CELF2: variants seen among roughly 807,000 people sequenced by gnomAD.
The protein encoded by CELF2 is CUGBP Elav-like family member 2, also known as CUG triplet repeat RNA-binding protein 2.
Under a neutral mutation model 62.6 loss-of-function variants are expected in CELF2, and 8 were observed. The ratio of observed to expected loss-of-function variants is 0.13; its 90% CI spans 0.07 to 0.23. The LOEUF is 0.23. CELF2 is among the 10% of genes least tolerant of loss of function. The pLI, the probability that CELF2 is intolerant of heterozygous loss-of-function variation, is 1.00. For missense variants in CELF2, 333 were observed against 671.0 expected (o/e 0.50, Z 5.56); for synonymous variants, 258 against 250.0 (o/e 1.03, Z -0.30).
chr10:11,035,791 G>T (rs1181262980), intron 1 of CELF2, among the ~76,000 whole-genome samples: 1 of 152,190 alleles, frequency 6.6e-6, no homozygotes, highest in Non-Finnish European at 1.5e-5. Context: ...ACCATGTAAT[G>T]TGCAGCTGTA....
intron 3 of CELF2, among the ~76,000 whole-genome samples, chr10:11,218,799 TA>T (rs1022645705): frequency 6.6e-6 from 1 of 152,044 alleles, no homozygotes; most frequent in Non-Finnish European, 1.5e-5. Context: ...TCAGTGACTT[TA>T]AAAAAATTGT....
intron 4 of CELF2, among the ~76,000 whole-genome samples, chr10:11,257,265 C>T (rs988031868): frequency 6.7e-6 from 1 of 150,040 alleles, no homozygotes; most frequent in Non-Finnish European, 1.5e-5. Flanking sequence ...CTGTTTCGCT[C>T]CATCTGCCCC....
At chr10:10,871,959 T>C (rs1229635568) in intron 1 of CELF2, among the ~76,000 whole-genome samples, 1 of 152,202 alleles carries the variant, frequency 6.6e-6, no homozygotes, top group Non-Finnish European at 1.5e-5. Context: ...TATCTTCCGT[T>C]GCCTATTTGA....
In CELF2 at chr10:10,995,970, G is replaced by A. The variant is rs1480484193; in HGVS notation, c.89+75971G>A. On this transcript the variant is annotated intron_variant, in intron 2 of 13. Coordinates refer to the CELF2 transcript ENST00000636488. This position sits in a 1 kb window ranked among gnomAD's most constrained non-coding sequence, Gnocchi z 4.7. ...GGTGCTGACTGCATGGGTATGTTCAGTCTGTGAATATTCCATGAGCTAAAC... is the reference window on the plus strand; with the variant it reads ...GGTGCTGACTGCATGGGTATGTTCAATCTGTGAATATTCCATGAGCTAAAC... Among the ~76,000 whole-genome samples the A allele has an allele frequency of 6.6e-6, 1 of 152,200 alleles. No homozygotes were observed. The highest frequency in any genetic ancestry group is 1.5e-5 in the Non-Finnish European group (1 of 68,028).
chr10:11,321,499 G>A lies in CELF2; in HGVS notation c.1294+113G>A. 1.2e-6 allele frequency: 1 copy of A among 805,686 alleles called. No homozygotes were observed. The highest frequency in any genetic ancestry group is 1.9e-6 in the Non-Finnish European group (1 of 533,232). The allele number at this position is 805,686 out of a possible 1,614,324, so 49.9% of individuals were successfully genotyped here. A position where few individuals can be genotyped will look rare whatever the true frequency, so the allele number is the denominator to read the frequency against. The stretch of plus-strand genomic sequence containing the variant: ...TGAACCCATGTCATAACAGAAAGCA[G>A]TTGTTTTGTTATTCATGTTTAAAAA... On this transcript the variant is annotated intron_variant, in intron 11 of 12. Transcript: ENST00000633077. This position sits in a 1 kb window ranked among gnomAD's most constrained non-coding sequence, Gnocchi z 6.2.
At chr10:11,089,274 G>A (rs536775846) in intron 1 of CELF2, among the ~76,000 whole-genome samples, 4 of 152,184 alleles carry the variant, frequency 2.6e-5, no homozygotes, top group Admixed American at 1.3e-4. Context: ...GTTGGCAGCC[G>A]ATGGCAGCAA....
At chr10:10,631,333 C>T in the CELF2 span, among the ~76,000 whole-genome samples, 2 of 152,214 alleles carry the variant, frequency 1.3e-5, no homozygotes, top group Admixed American at 6.5e-5. Flanking sequence ...ACCTGAAACT[C>T]TTCTGTGCAG....
Position 11,005,443 on chromosome 10 carries a change from A to G in CELF2, c.53+3A>G. On this transcript the variant is annotated splice_donor_region_variant and intron_variant, in intron 1 of 12. Transcript: ENST00000416382. The surrounding 1 kb of genome is among the most constrained non-coding windows in gnomAD (Gnocchi z 4.3). Reference sequence around the variant, plus strand: ...AGAAATGAAGAGCTGCTTTTAAGGTATGTTGTTGTGTCCTTTGTTTTTAAT... The same window carrying G: ...AGAAATGAAGAGCTGCTTTTAAGGTGTGTTGTTGTGTCCTTTGTTTTTAAT... 1 of 1,613,850 alleles carries G rather than the reference A, an allele frequency of 6.2e-7. No homozygotes were observed. Among genetic ancestry groups the G allele is most frequent in the Non-Finnish European group, 8.5e-7 (1 of 1,179,818 alleles).
the CELF2 span, among the ~76,000 whole-genome samples, chr10:10,587,100 G>C: frequency 2.0e-5 from 3 of 152,044 alleles, no homozygotes; most frequent in African/African-American, 7.2e-5. Flanking sequence ...CCTAGTATCC[G>C]TGTCTTTAAC....
intron 1 of CELF2, among the ~76,000 whole-genome samples, chr10:11,146,402 T>C (rs776801746): frequency 2.6e-5 from 4 of 152,228 alleles, no homozygotes; most frequent in Non-Finnish European, 5.9e-5. Flanking sequence ...GATAAGATAA[T>C]GTGTAAGCAT....
Position 11,314,252 on chromosome 10 carries a change from C to T in CELF2, c.1090C>T (p.Leu364=), listed in dbSNP as rs750013632. 6.2e-7 allele frequency: 1 copy of T among 1,614,216 alleles called. No individual in the cohort carries two copies. The highest frequency in any genetic ancestry group is 8.5e-7 in the Non-Finnish European group (1 of 1,180,018). The change falls in exon 10 of 13, where the codon CTA becomes TTA. Residue 364 remains leucine (L), a synonymous_variant. Coordinates refer to ENST00000633077, the MANE Select transcript of CELF2 (RefSeq NM_001326342.2). This position sits in a 1 kb window ranked among gnomAD's most constrained non-coding sequence, Gnocchi z 5.3. Reference sequence around the variant, plus strand: ...TGTTGGACTGAATAATATTAATGCACTAGCAGGTACCATCAACAGTGAGTA... The same window carrying T: ...TGTTGGACTGAATAATATTAATGCATTAGCAGGTACCATCAACAGTGAGTA... The part of the protein sequence containing the change: ...ATVGLNNINA[L]AVAQMLSGMA...
At position 11,318,965 on chromosome 10, in the gene CELF2, C is replaced by T; in HGVS notation, c.1097-2224C>T. The T allele has an allele frequency of 2.1e-6, 1 of 471,198 alleles. No homozygotes were observed. Among genetic ancestry groups the T allele is most frequent in the Non-Finnish European group, 4.4e-6 (1 of 227,062 alleles). 29.2% of individuals were successfully genotyped at this position (471,198 alleles called of 1,614,324 possible). On this transcript the variant is annotated intron_variant, in intron 10 of 12. Coordinates refer to ENST00000633077, the MANE Select transcript of CELF2 (RefSeq NM_001326342.2). This position sits in a 1 kb window ranked among gnomAD's most constrained non-coding sequence, Gnocchi z 5.4. ...TGGTGGTGCGATGCTGCCCACCCCTCCATGGGAACTTGGAGGCGTCCACTG... is the reference window on the plus strand; with the variant it reads ...TGGTGGTGCGATGCTGCCCACCCCTTCATGGGAACTTGGAGGCGTCCACTG...
chr10:11,176,484 G>A (rs1448397603), intron 2 of CELF2, among the ~76,000 whole-genome samples: 1 of 152,226 alleles, frequency 6.6e-6, no homozygotes, highest in Non-Finnish European at 1.5e-5. Context: ...CAGGAGACAT[G>A]TATGTATGTG....
the CELF2 span, among the ~76,000 whole-genome samples, chr10:10,588,765 C>T: frequency 6.6e-6 from 1 of 152,038 alleles, no homozygotes; most frequent in Non-Finnish European, 1.5e-5. Context: ...AACAATGAAC[C>T]CTAGAGCTAT....
At chr10:10,624,878 G>A in the CELF2 span, among the ~76,000 whole-genome samples, 1 of 152,206 alleles carries the variant, frequency 6.6e-6, no homozygotes, top group Admixed American at 6.5e-5. Context: ...GGGACACAAA[G>A]AGGCAGATGG....
At chr10:10,923,212 G>A (rs949123341) in intron 2 of CELF2, 9 of 152,190 alleles carry the variant, frequency 5.9e-5, no homozygotes, top group African/African-American at 1.9e-4. Flanking sequence ...ATAAAGGTGC[G>A]CTTACGCTGT....
chr10:11,257,658 G>A (rs1158171632), intron 4 of CELF2, 80 bp from the exon 5 acceptor site: 2 of 1,530,452 alleles, frequency 1.3e-6, no homozygotes, highest in Admixed American at 3.5e-5. Context: ...CTGGGGCCTG[G>A]TTTGATGGGG....
At position 11,005,326 on chromosome 10, in the gene CELF2, G is replaced by A; in HGVS notation, c.-62G>A. On this transcript the variant is annotated 5_prime_UTR_variant, in exon 1 of 13. Transcript: ENST00000416382. This position sits in a 1 kb window ranked among gnomAD's most constrained non-coding sequence, Gnocchi z 4.3. ...GAGGGCGCGTTAGTGAGCAGCGACT[G>A]TGGCATTGATGTTTGAGCATACTTC... The A allele has an allele frequency of 6.2e-7, 1 of 1,612,146 alleles. No homozygotes were observed. Among genetic ancestry groups the A allele is most frequent in the Non-Finnish European group, 8.5e-7 (1 of 1,178,838 alleles).
the CELF2 span, among the ~76,000 whole-genome samples, chr10:10,780,209 G>A: frequency 6.6e-6 from 1 of 152,266 alleles, no homozygotes; most frequent in East Asian, 1.9e-4. Flanking sequence ...TGGTTGTTTT[G>A]TGTTGTTTTA....
Sources: allele counts gnomAD v4.1 joint callset (sites outside exome capture counted in the v4.1 genomes callset), GRCh38; gene constraint gnomAD v4.1.1; non-coding constraint Gnocchi (gnomAD v3.1); transcripts MANE v1.5; gene names NCBI Gene and HGNC (gene_info 2026-07-23, HGNC 2026-07-21).